The following ZMYND8 variants were observed in gnomAD, a reference collection of about 807,000 sequenced individuals.
The protein encoded by ZMYND8 is MYND-type zinc finger-containing chromatin reader ZMYND8.
In ZMYND8, 37 loss-of-function variants were observed where a neutral mutation model predicts 140.8. The ratio of observed to expected loss-of-function variants is 0.26; its 90% CI spans 0.20 to 0.35. The LOEUF is 0.35. Among genes scored for constraint, ZMYND8 ranks in the 10% least tolerant of loss-of-function variants. ZMYND8 has a pLI of 1.00. For synonymous variants in ZMYND8, 592 were observed against 597.1 expected (o/e 0.99, Z 0.12); for missense variants, 1,068 against 1,570.0 (o/e 0.68, Z 5.40).
chr20:47,291,487 G>T (rs1376651231), intron 6 of ZMYND8, among the ~76,000 whole-genome samples: 1 of 151,952 alleles, frequency 6.6e-6, no homozygotes, highest in African/African-American at 2.4e-5. Flanking sequence ...AAAGAAAGAG[G>T]AGGTAACGCT....
chr20:47,265,974 A>G (rs570046673), intron 11 of ZMYND8, among the ~76,000 whole-genome samples: 201 of 152,256 alleles, frequency 1.3e-3, no homozygotes, highest in African/African-American at 4.6e-3. Flanking sequence ...TTCACACTCT[A>G]CCCAGCCAGT....
intron 1 of ZMYND8, among the ~76,000 whole-genome samples, chr20:47,351,330 G>A (rs941095504): frequency 2.0e-5 from 3 of 152,100 alleles, no homozygotes; most frequent in African/African-American, 7.2e-5. Context: ...AAAAATGCCT[G>A]AATACACAAT....
intron 3 of ZMYND8, among the ~76,000 whole-genome samples, chr20:47,309,736 G>C (rs1028927723): frequency 2.0e-5 from 3 of 151,606 alleles, no homozygotes; most frequent in Admixed American, 2.0e-4. Context: ...AAACTCCTCA[G>C]GCCACATGGG....
intron 3 of ZMYND8, among the ~76,000 whole-genome samples, chr20:47,303,796 C>T (rs1601748243): frequency 6.6e-6 from 1 of 152,214 alleles, no homozygotes; most frequent in East Asian, 1.9e-4. Flanking sequence ...TACTGATCCT[C>T]CAAAATTAAG....
intron 7 of ZMYND8, among the ~76,000 whole-genome samples, chr20:47,287,509 G>A (rs968227842): frequency 1.3e-5 from 2 of 152,122 alleles, no homozygotes; most frequent in South Asian, 2.1e-4. Flanking sequence ...CTCTGCAACT[G>A]AGCAATTTAT....
At chr20:47,230,297 T>G (rs986747065) in intron 16 of ZMYND8, among the ~76,000 whole-genome samples, 1 of 137,730 alleles carries the variant, frequency 7.3e-6, no homozygotes, top group Non-Finnish European at 1.5e-5. Flanking sequence ...TTTTTTGTTG[T>G]TTTTTTTTTT....
At chr20:47,250,305 G>A (rs2074067116) in intron 12 of ZMYND8, among the ~76,000 whole-genome samples, 1 of 152,118 alleles carries the variant, frequency 6.6e-6, no homozygotes, top group African/African-American at 2.4e-5. Flanking sequence ...AGTTTCAGTG[G>A]CTGCAAAGGT....
At chr20:47,275,271 C>T (rs1182503443) in intron 11 of ZMYND8, among the ~76,000 whole-genome samples, 1 of 152,188 alleles carries the variant, frequency 6.6e-6, no homozygotes, top group African/African-American at 2.4e-5. Context: ...GCGGGTGGAT[C>T]ACTTGAAGTC....
At chr20:47,228,184 C>T (rs2037969589) in intron 17 of ZMYND8, among the ~76,000 whole-genome samples, 1 of 152,080 alleles carries the variant, frequency 6.6e-6, no homozygotes, top group African/African-American at 2.4e-5. Flanking sequence ...CGAGTACTCT[C>T]CCCTGTCATG....
chr20:47,301,349 T>G (rs749032840), intron 3 of ZMYND8, among the ~76,000 whole-genome samples: 2 of 151,948 alleles, frequency 1.3e-5, no homozygotes, highest in Non-Finnish European at 2.9e-5. Flanking sequence ...AGAGACAGGA[T>G]TTCACCATGT....
chr20:47,279,615 C>T (rs1014566025), intron 10 of ZMYND8, among the ~76,000 whole-genome samples: 2 of 152,092 alleles, frequency 1.3e-5, no homozygotes, highest in Non-Finnish European at 1.5e-5. Flanking sequence ...TCTAACCCCA[C>T]GGTGGCTTCT....
intron 13 of ZMYND8, 121 bp downstream of exon 13, chr20:47,249,166 G>T (rs2073968428): frequency 1.6e-6 from 2 of 1,214,540 alleles, no homozygotes; most frequent in Non-Finnish European, 2.3e-6. Context: ...GCAAATAGTT[G>T]AAAGTTAAAG....
At chr20:47,322,944 T>C (rs2080098411) in intron 2 of ZMYND8, among the ~76,000 whole-genome samples, 2 of 152,138 alleles carry the variant, frequency 1.3e-5, no homozygotes, top group Non-Finnish European at 1.5e-5. Flanking sequence ...AGCATTGTCG[T>C]TCAGTGTGTG....
intron 1 of ZMYND8, among the ~76,000 whole-genome samples, chr20:47,355,172 A>G (rs1340757256): frequency 6.6e-6 from 1 of 152,162 alleles, no homozygotes; most frequent in East Asian, 1.9e-4. Context: ...AACAAACCCC[A>G]TTAAAGGTCT....
chr20:47,301,329 T>C (rs2078032429), intron 3 of ZMYND8, among the ~76,000 whole-genome samples: 1 of 151,942 alleles, frequency 6.6e-6, no homozygotes, highest in Non-Finnish European at 1.5e-5. Context: ...TAATTTTTTG[T>C]ATTTTTAGTA....
At chr20:47,335,224 CG>C (rs2081297014) in intron 2 of ZMYND8, among the ~76,000 whole-genome samples, 1 of 151,612 alleles carries the variant, frequency 6.6e-6, no homozygotes, top group Non-Finnish European at 1.5e-5. Flanking sequence ...CCAGCTTGGG[CG>C]ACAGAGAGAG....
chr20:47,235,596 A>T (rs922184199), intron 16 of ZMYND8, among the ~76,000 whole-genome samples: 2 of 152,064 alleles, frequency 1.3e-5, no homozygotes, highest in African/African-American at 4.8e-5. Flanking sequence ...AGTCCCAGCT[A>T]CTTGGGAGGC....
At position 47,349,921 on chromosome 20, in the gene ZMYND8, C is replaced by T. The variant is rs1183816599; in HGVS notation, c.15-1995G>A. ...GTGTATTGATCATGGAGGAAGGCTG[C>T]ATTCAAGGGAACCATTATTTGGCTT... On this transcript the variant is annotated intron_variant, in intron 1 of 22. Coordinates refer to ENST00000471951, the MANE Select transcript of ZMYND8 (RefSeq NM_001281775.3). 6 of 1,535,422 alleles carry T rather than the reference C, an allele frequency of 3.9e-6. 1 individual carries two copies. The South Asian group carries it at 7.1e-5, about 18-fold the overall frequency.
chr20:47,276,941 G>T, intron 10 of ZMYND8, 146 bp from the exon 11 acceptor site: 1 of 855,734 alleles, frequency 1.2e-6, no homozygotes, highest in Non-Finnish European at 1.6e-6. Context: ...TTGGTTTGAA[G>T]GATTAATTAA....
Sources: allele counts gnomAD v4.1 joint callset (sites outside exome capture counted in the v4.1 genomes callset), GRCh38; gene constraint gnomAD v4.1.1; transcripts MANE v1.5; gene names NCBI Gene and HGNC (gene_info 2026-07-23, HGNC 2026-07-21).